Variants in TRMT44 observed in about 807,000 individuals in gnomAD.
TRMT44 encodes the protein tRNA methyltransferase 44 homolog, also known as probable tRNA (uracil-O(2)-)-methyltransferase.
In TRMT44, 78 loss-of-function variants were observed where a neutral mutation model predicts 77.3. The observed-to-expected ratio is 1.01, with a 90% CI of 0.84 to 1.22. The LOEUF (loss-of-function observed/expected upper bound fraction) is 1.22, where lower values mean the gene tolerates loss of function less well. Among genes scored for constraint, TRMT44 ranks in the 50% most tolerant of loss-of-function variants. The pLI is 0.00. For synonymous variants in TRMT44, 391 were observed against 383.3 expected (o/e 1.02, Z -0.23); for missense variants, 1,090 against 964.4 (o/e 1.13, Z -1.73).
chr4:8,449,949 C>CTTTTTTTTTTTTTTTTTTTCTTTTTTTTT, intron 3 of TRMT44, 61 bp downstream of exon 3: 2 of 238,690 alleles, frequency 8.4e-6, no homozygotes, highest in Non-Finnish European at 1.2e-5. Flanking sequence ...CTTTTCTTTT[C>CTTTTTTTTTTTTTTTTTTTCTTTTTTTTT]TTTTTTTTTT....
rs181220282 is a variant in TRMT44 at position 8,492,662 on chromosome 4, C to G, written n.3892-604C>G. 1.2e-4 allele frequency among the ~76,000 whole-genome samples: 18 copies of G among 152,320 alleles called. 1 individual carries two copies. The East Asian group carries it at 3.3e-3, about 28-fold the overall frequency. Reference sequence around the variant, plus strand: ...CTACTACGATTAAAAAGCTACATACCTCCCTCACAAGGAAATTCCTTGTGG... The same window carrying G: ...CTACTACGATTAAAAAGCTACATACGTCCCTCACAAGGAAATTCCTTGTGG... On this transcript the variant is annotated intron_variant and non_coding_transcript_variant, in intron 2 of 2. Coordinates refer to the TRMT44 transcript ENST00000511366.
At chr4:8,460,715 C>G (rs188402624) in intron 6 of TRMT44, among the ~76,000 whole-genome samples, 1 of 152,026 alleles carries the variant, frequency 6.6e-6, no homozygotes, top group Admixed American at 6.6e-5. Context: ...CACCACTACG[C>G]CTGACTAATT....
intron 10 of TRMT44, 82 bp from the exon 11 acceptor site, chr4:8,475,690 G>T: frequency 1.5e-6 from 2 of 1,333,088 alleles, no homozygotes; most frequent in South Asian, 2.6e-5. Context: ...ACCTCCCGTG[G>T]CGTGGGAGCT....
At chr4:8,501,738 G>A in the TRMT44 span, among the ~76,000 whole-genome samples, 3 of 152,104 alleles carry the variant, frequency 2.0e-5, no homozygotes, top group Non-Finnish European at 4.4e-5. The surrounding 1 kb of genome is among the most constrained non-coding windows in gnomAD (Gnocchi z 4.4). Context: ...GAGCTAGCTG[G>A]GAGGTGCTCA....
In TRMT44 at chr4:8,446,695, G is replaced by T. The variant is rs1725083360; in HGVS notation, c.734+105G>T. The T allele has an allele frequency of 2.8e-6, 2 of 720,476 alleles. No homozygotes were observed. The highest frequency in any genetic ancestry group is 1.8e-5 in the African/African-American group (1 of 55,940). The allele number at this position is 720,476 out of a possible 1,614,324, so 44.6% of individuals were successfully genotyped here. A position where few individuals can be genotyped will look rare whatever the true frequency, so the allele number is the denominator to read the frequency against. On this transcript the variant is annotated intron_variant, in intron 2 of 10. Transcript: ENST00000389737. This position sits in a 1 kb window ranked among gnomAD's most constrained non-coding sequence, Gnocchi z 4.3. ...CAGGGCTTAAGGTCCTGTCTCTGAG[G>T]TGGTTATGGTTTGTAGGAATGCAGT...
intron 9 of TRMT44, among the ~76,000 whole-genome samples, chr4:8,470,359 G>A (rs756016156): frequency 6.6e-6 from 1 of 152,210 alleles, no homozygotes; most frequent in Admixed American, 6.5e-5. Flanking sequence ...CGTCTCCTCC[G>A]CTCTCCTGCA....
At chr4:8,442,485 T>G (rs1053598989) in intron 1 of TRMT44, among the ~76,000 whole-genome samples, 1 of 152,250 alleles carries the variant, frequency 6.6e-6, no homozygotes, top group African/African-American at 2.4e-5. Context: ...AACAAATTAC[T>G]GCAAATTCAT....
intron 10 of TRMT44, among the ~76,000 whole-genome samples, chr4:8,475,400 G>C (rs1457305431): frequency 6.6e-6 from 1 of 152,232 alleles, no homozygotes; most frequent in African/African-American, 2.4e-5. Context: ...GAGGCCACAA[G>C]GGACCCAGCT....
At chr4:8,496,333 C>G (rs1728149746), downstream of TRMT44, among the ~76,000 whole-genome samples, 1 of 152,220 alleles carries the variant, frequency 6.6e-6, no homozygotes, top group Admixed American at 6.5e-5. Context: ...GACAACTACC[C>G]TCACTCAGTA....
chr4:8,467,587 C>T (rs1453249352), intron 8 of TRMT44, among the ~76,000 whole-genome samples: 1 of 152,158 alleles, frequency 6.6e-6, no homozygotes, highest in Non-Finnish European at 1.5e-5. Context: ...TTCAAATGAT[C>T]CTCCTGCCTC....
intron 3 of TRMT44, among the ~76,000 whole-genome samples, chr4:8,450,142 A>G (rs898727955): frequency 6.6e-6 from 1 of 151,466 alleles, no homozygotes; most frequent in African/African-American, 2.4e-5. Context: ...AATTTTTTGT[A>G]TTTTTATTAG....
At chr4:8,484,593 C>A (rs893792335) in intron 2 of TRMT44, among the ~76,000 whole-genome samples, 18 of 152,290 alleles carry the variant, frequency 1.2e-4, no homozygotes, top group Admixed American at 9.8e-4. Context: ...ATTCCTACTG[C>A]ACAGCCCTGC....
At chr4:8,465,335 T>G (rs1726455976) in intron 7 of TRMT44, 43 bp from the exon 8 acceptor site, 2 of 1,550,926 alleles carry the variant, frequency 1.3e-6, no homozygotes, top group Non-Finnish European at 1.7e-6. Context: ...TGACTGCGTC[T>G]GCTCAGGATG....
rs1354716533 is a variant in TRMT44, at chr4:8,446,546, G to A, written c.690G>A (p.Met230Ile). 10 of 1,536,338 alleles carry A rather than the reference G, an allele frequency of 6.5e-6. No individual in the cohort carries two copies. The South Asian group carries it at 9.5e-5, about 15-fold the overall frequency. Residue 230 changes from methionine to isoleucine, a missense_variant, in exon 2 of 11, where the codon ATG becomes ATA. Physicochemically the swap from Met to Ile is conservative, Grantham distance 10. Transcript: ENST00000389737. This position sits in a 1 kb window ranked among gnomAD's most constrained non-coding sequence, Gnocchi z 4.3. The part of the protein sequence containing the change: ...EDDEGNLKVK[M>I]SNVYQIQLSH... ...ATGAGGGGAACCTAAAGGTTAAGAT[G>A]AGCAATGTGTATCAAATTCAGCTCA...
At chr4:8,470,721 C>T (rs773575454) in intron 9 of TRMT44, among the ~76,000 whole-genome samples, 10 of 151,994 alleles carry the variant, frequency 6.6e-5, no homozygotes, top group Non-Finnish European at 1.2e-4. Context: ...GCTTGGCCTT[C>T]CTTCTTTAGT....
chr4:8,462,245 C>A (rs1010945716), intron 6 of TRMT44, among the ~76,000 whole-genome samples: 1 of 151,882 alleles, frequency 6.6e-6, no homozygotes, highest in African/African-American at 2.4e-5. Flanking sequence ...ACCCCCGTCT[C>A]TACTAAAAAT....
intron 2 of TRMT44, among the ~76,000 whole-genome samples, chr4:8,484,532 A>G (rs908828961): frequency 1.3e-5 from 2 of 152,212 alleles, no homozygotes; most frequent in African/African-American, 4.8e-5. Flanking sequence ...AGTAAGGTCA[A>G]GTAGTTTGGA....
At chr4:8,467,383 A>G (rs1388308389) in intron 8 of TRMT44, among the ~76,000 whole-genome samples, 4 of 152,208 alleles carry the variant, frequency 2.6e-5, no homozygotes, top group Non-Finnish European at 4.4e-5. Context: ...GTGAAGGTCC[A>G]AGATCTAACA....
downstream of TRMT44, among the ~76,000 whole-genome samples, chr4:8,479,883 ATT>A (rs1727559221): frequency 6.6e-6 from 1 of 151,914 alleles, no homozygotes; most frequent in African/African-American, 2.4e-5. Flanking sequence ...TCCTTTTTTT[ATT>A]TTGTTTTTTT....
Sources: gnomAD v4.1 joint callset for allele counts (sites outside exome capture counted in the v4.1 genomes callset) on GRCh38, gnomAD v4.1.1 for gene constraint, Gnocchi (gnomAD v3.1) non-coding constraint, MANE v1.5 for transcripts, NCBI Gene and HGNC (gene_info 2026-07-23, HGNC 2026-07-21) for gene names.